Variants in KCNH5 observed in about 807,000 individuals in gnomAD.
The protein encoded by KCNH5 is potassium voltage-gated channel subfamily H member 5, also known as voltage-gated delayed rectifier potassium channel KCNH5.
A neutral mutation model predicts 96.1 loss-of-function variants in KCNH5; 46 were observed. The observed-to-expected ratio is 0.48, with a 90% CI of 0.38 to 0.61. The LOEUF (loss-of-function observed/expected upper bound fraction) is 0.61, where lower values mean the gene tolerates loss of function less well. Among genes scored for constraint, KCNH5 ranks in the 20% least tolerant of loss-of-function variants. KCNH5 has a pLI of 0.00. For missense variants in KCNH5, 907 were observed against 1,225.8 expected, an observed-to-expected ratio of 0.74 and a Z score of 3.88; for synonymous variants, 439 against 449.8, an observed-to-expected ratio of 0.98 and a Z score of 0.30.
chr14:62,954,989 C>T (rs1398954972), intron 6 of KCNH5, among the ~76,000 whole-genome samples: 1 of 150,742 alleles, frequency 6.6e-6, no homozygotes, highest in Non-Finnish European at 1.5e-5. Flanking sequence ...ATGGAAGCTA[C>T]AATTTAAGAT....
chr14:62,858,127 G>A (rs1037964731), intron 7 of KCNH5, among the ~76,000 whole-genome samples: 4 of 152,108 alleles, frequency 2.6e-5, no homozygotes, highest in Non-Finnish European at 5.9e-5. Context: ...GCACAAACAC[G>A]TTTTTCACAA....
intron 7 of KCNH5, among the ~76,000 whole-genome samples, chr14:62,878,159 C>T (rs1404118654): frequency 3.0e-5 from 4 of 133,918 alleles, no homozygotes; most frequent in African/African-American, 8.9e-5. Context: ...AACACATGGA[C>T]ACAGGAAGGG....
intron 2 of KCNH5, among the ~76,000 whole-genome samples, chr14:63,007,728 T>C (rs1223991910): frequency 2.0e-5 from 3 of 152,152 alleles, no homozygotes; most frequent in Admixed American, 6.5e-5. Context: ...ATTCTCATCA[T>C]TTCAGGGAAT....
chr14:62,734,857 A>G (rs1036147864), intron 10 of KCNH5, among the ~76,000 whole-genome samples: 1 of 152,188 alleles, frequency 6.6e-6, no homozygotes, highest in African/African-American at 2.4e-5. Flanking sequence ...TATTATTAAT[A>G]ATAAACCCTT....
At chr14:62,817,189 TATATATC>T (rs1282064588) in intron 8 of KCNH5, among the ~76,000 whole-genome samples, 20 of 139,384 alleles carry the variant, frequency 1.4e-4, no homozygotes, top group East Asian at 1.2e-3. Flanking sequence ...TACTATATAT[TATATATC>T]ATATATCATA....
rs1566536795 is a variant in KCNH5 at position 63,003,516 on chromosome 14, T to TA, written c.305-2058_305-2057insT. ...ATTATATATATATTTTATATATATT[T>TA]TATATATTTTATATATATTATATAT... On this transcript the variant is annotated intron_variant, in intron 3 of 10. Coordinates refer to ENST00000322893, the MANE Select transcript of KCNH5 (RefSeq NM_139318.5). Among the ~76,000 whole-genome samples the TA allele has an allele frequency of 8.8e-3, 800 of 91,402 alleles. 3 individuals carry two copies. Among genetic ancestry groups the TA allele is most frequent in the Middle Eastern group, 0.016 (3 of 186 alleles). The allele number at this position is 91,402 out of a possible 152,430, so 60.0% of individuals were successfully genotyped here. A position where few individuals can be genotyped will look rare whatever the true frequency, so the allele number is the denominator to read the frequency against.
intron 2 of KCNH5, among the ~76,000 whole-genome samples, chr14:63,016,497 G>A (rs186405760): frequency 5.9e-5 from 9 of 152,116 alleles, no homozygotes; most frequent in East Asian, 3.9e-4. Context: ...CAGAGGTGCT[G>A]TAGATCACAT....
At chr14:62,807,718 C>T (rs73273199) in intron 8 of KCNH5, among the ~76,000 whole-genome samples, 1,927 of 151,932 alleles carry the variant, frequency 0.013, 42 homozygotes, top group African/African-American at 0.044. Context: ...GATCTTGTAC[C>T]GTAAATTCTT....
intron 7 of KCNH5, among the ~76,000 whole-genome samples, chr14:62,867,226 C>G (rs927624618): frequency 6.6e-6 from 1 of 152,126 alleles, no homozygotes; most frequent in South Asian, 2.1e-4. Context: ...CACATAGATA[C>G]GTGATAAGTA....
chr14:62,896,581 A>G (rs1263903551), intron 7 of KCNH5, among the ~76,000 whole-genome samples: 4 of 152,226 alleles, frequency 2.6e-5, no homozygotes, highest in African/African-American at 4.8e-5. Context: ...CAGTTTTACA[A>G]TCAACGTAGC....
intron 6 of KCNH5, among the ~76,000 whole-genome samples, chr14:62,965,169 T>A (rs907030219): frequency 2.0e-5 from 3 of 152,118 alleles, no homozygotes; most frequent in African/African-American, 4.8e-5. Flanking sequence ...GAATAAATCC[T>A]TCTTATGTCG....
At chr14:62,881,439 A>G (rs890714148) in intron 7 of KCNH5, among the ~76,000 whole-genome samples, 2 of 152,160 alleles carry the variant, frequency 1.3e-5, no homozygotes, top group Admixed American at 6.5e-5. Context: ...TGGGAACTAA[A>G]TGATGAGAAC....
chr14:62,720,459 G>GT (rs1884784533), intron 10 of KCNH5, among the ~76,000 whole-genome samples: 2 of 152,102 alleles, frequency 1.3e-5, no homozygotes, highest in Non-Finnish European at 2.9e-5. Context: ...GCGGACACCT[G>GT]TAAGTCCCAG....
intron 7 of KCNH5, among the ~76,000 whole-genome samples, chr14:62,916,287 C>T (rs2355743): frequency 0.71 from 107,693 of 152,104 alleles, 39,005 homozygotes; most frequent in East Asian, 0.99. Context: ...CTGATGTTCA[C>T]GTTCTTAACC....
chr14:63,023,328 A>C (rs1309924939), intron 1 of KCNH5, among the ~76,000 whole-genome samples: 1 of 152,222 alleles, frequency 6.6e-6, no homozygotes, highest in Non-Finnish European at 1.5e-5. Flanking sequence ...CCTGACACAT[A>C]GTAAATGCTA....
At chr14:62,763,020 A>C (rs1330983472) in intron 10 of KCNH5, among the ~76,000 whole-genome samples, 1 of 152,152 alleles carries the variant, frequency 6.6e-6, no homozygotes. Context: ...TAGGACCTAA[A>C]TTCAACACTT....
At chr14:62,889,511 T>C (rs1394651320) in intron 7 of KCNH5, among the ~76,000 whole-genome samples, 3 of 152,192 alleles carry the variant, frequency 2.0e-5, no homozygotes, top group Non-Finnish European at 4.4e-5. Context: ...GGGATGATGA[T>C]GCAGTAGTCG....
intron 6 of KCNH5, among the ~76,000 whole-genome samples, chr14:62,952,529 C>T (rs1376640079): frequency 1.3e-5 from 2 of 152,130 alleles, no homozygotes; most frequent in African/African-American, 4.8e-5. Flanking sequence ...AAAACTCAAA[C>T]AGAGTTCAGT....
intron 7 of KCNH5, among the ~76,000 whole-genome samples, chr14:62,923,777 T>C (rs1277678156): frequency 6.6e-6 from 1 of 151,848 alleles, no homozygotes; most frequent in Non-Finnish European, 1.5e-5. Context: ...TACAAAAGAA[T>C]AAAATTGGGA....
Sources: allele counts gnomAD v4.1 joint callset (sites outside exome capture counted in the v4.1 genomes callset), GRCh38; gene constraint gnomAD v4.1.1; transcripts MANE v1.5; gene names NCBI Gene and HGNC (gene_info 2026-07-23, HGNC 2026-07-21).